The following TASOR2 variants were observed in gnomAD, a reference collection of about 807,000 sequenced individuals.
TASOR2 encodes the protein protein TASOR 2.
A neutral mutation model predicts 199.5 loss-of-function variants in TASOR2; 84 were observed. That is an observed-to-expected ratio of 0.42 (90% confidence interval 0.35 to 0.50). The LOEUF (loss-of-function observed/expected upper bound fraction) is 0.50. Among genes scored for constraint, TASOR2 ranks in the 20% least tolerant of loss-of-function variants. The probability of loss-of-function intolerance (pLI) is 0.02; values close to 1 mark genes in which losing one functional copy is unlikely to be tolerated. For synonymous variants in TASOR2, 1,103 were observed against 1,046.6 expected, an observed-to-expected ratio of 1.05 and a Z score of -1.04; for missense variants, 2,796 against 2,835.9, an observed-to-expected ratio of 0.99 and a Z score of 0.32.
rs780949528 is a variant in TASOR2, at chr10:5,717,642, A to G, written c.-191-17A>G. Reference sequence around the variant, plus strand: ...ATGGGCAATCTGCTGCTTAATCTATATTTTATACTTTTACAGGTGTATACA... The same window carrying G: ...ATGGGCAATCTGCTGCTTAATCTATGTTTTATACTTTTACAGGTGTATACA... On this transcript the variant is annotated splice_polypyrimidine_tract_variant and intron_variant, in intron 2 of 20. Coordinates refer to ENST00000328090, the Ensembl canonical transcript of TASOR2. The G allele has an allele frequency of 2.7e-6, 3 of 1,117,726 alleles. No homozygotes were observed. Among genetic ancestry groups the G allele is most frequent in the Non-Finnish European group, 3.4e-6 (3 of 883,660 alleles). 69.2% of individuals were successfully genotyped at this position (1,117,726 alleles called of 1,614,324 possible).
chr10:5,707,517 C>T (rs988565841), intron 1 of TASOR2, among the ~76,000 whole-genome samples: 1 of 151,986 alleles, frequency 6.6e-6, no homozygotes, highest in Non-Finnish European at 1.5e-5. Context: ...GAAAGGTTTC[C>T]CAGAACTCTC....
intron 10 of TASOR2, among the ~76,000 whole-genome samples, chr10:5,728,006 G>C: frequency 6.6e-6 from 1 of 151,940 alleles, no homozygotes; most frequent in East Asian, 1.9e-4. Flanking sequence ...TAGATTTCTT[G>C]AGTTCAGGCG....
At chr10:5,734,716 A>T (rs921986958) in intron 11 of TASOR2, among the ~76,000 whole-genome samples, 24 of 54,194 alleles carry the variant, frequency 4.4e-4, no homozygotes, top group African/African-American at 1.3e-3. Flanking sequence ...GGTTATGAAG[A>T]TTTTTTTTTT....
intron 1 of TASOR2, among the ~76,000 whole-genome samples, chr10:5,705,516 T>C (rs1838463484): frequency 6.6e-6 from 1 of 152,200 alleles, no homozygotes; most frequent in Non-Finnish European, 1.5e-5. Flanking sequence ...GAATTTTGGG[T>C]CATATGGTAA....
chr10:5,688,651 T>C (rs766994335), intron 1 of TASOR2, among the ~76,000 whole-genome samples: 2 of 152,122 alleles, frequency 1.3e-5, no homozygotes, highest in Non-Finnish European at 2.9e-5. Flanking sequence ...ACATGTGTCA[T>C]TTGGAAAACA....
Position 5,695,842 on chromosome 10 carries a change from G to A in TASOR2, c.-288+10667G>A, listed in dbSNP as rs192743113. Among the ~76,000 whole-genome samples, 373 of 152,284 alleles carry A rather than the reference G, an allele frequency of 2.4e-3. 2 individuals are homozygous for A. Among genetic ancestry groups the A allele is most frequent in the Non-Finnish European group, 3.9e-3 (268 of 68,024 alleles). ...AAGGAGCAAGCAGATTCTTTCCACA[G>A]AATCTGGAAAAGTTTTAGGAATTGG... On this transcript the variant is annotated intron_variant, in intron 1 of 20. Coordinates refer to ENST00000328090, the Ensembl canonical transcript of TASOR2.
At chr10:5,753,758 G>A (rs1420380224) in intron 15 of TASOR2, among the ~76,000 whole-genome samples, 2 of 152,176 alleles carry the variant, frequency 1.3e-5, no homozygotes, top group African/African-American at 2.4e-5. Flanking sequence ...AAGCAGCACT[G>A]TAGTTGAAAA....
rs1019432905 is a variant in TASOR2, at chr10:5,730,973, A to G, written c.974A>G (p.Asp325Gly). Reference sequence around the variant, plus strand: ...AGAAAAGAAACTGAAACAAAAAAGGATTCTGAAGAAATGTTGAAAGCAAAG... The same window carrying G: ...AGAAAAGAAACTGAAACAAAAAAGGGTTCTGAAGAAATGTTGAAAGCAAAG... Residue 325 changes from aspartate (D) to glycine (G), a missense_variant, in exon 11 of 21, where the codon GAT becomes GGT. By Grantham distance (94) the Asp-to-Gly change is moderately conservative (BLOSUM62 -1). Coordinates refer to ENST00000328090, the Ensembl canonical transcript of TASOR2. This position sits in a 1 kb window ranked among gnomAD's most constrained non-coding sequence, Gnocchi z 4.1. The G allele has an allele frequency of 6.2e-7, 1 of 1,613,978 alleles. No homozygotes were observed. Among genetic ancestry groups the G allele is most frequent in the Non-Finnish European group, 8.5e-7 (1 of 1,180,034 alleles).
At chr10:5,753,834 A>G (rs1405105487) in intron 15 of TASOR2, among the ~76,000 whole-genome samples, 1 of 152,148 alleles carries the variant, frequency 6.6e-6, no homozygotes, top group Non-Finnish European at 1.5e-5. Flanking sequence ...AGCAATCTGG[A>G]AATCAGTTTA....
In TASOR2 at chr10:5,687,243, C is replaced by T. The variant is rs1029694655; in HGVS notation, c.-288+2068C>T. 7.9e-5 allele frequency among the ~76,000 whole-genome samples: 12 copies of T among 152,158 alleles called. No homozygotes were observed. The highest frequency in any genetic ancestry group is 2.0e-4 in the Admixed American group (3 of 15,282). ...TTTGGAAACCTTTTGTGTGTTTCTA[C>T]CCCAGGAGGAATGCGTTCCCTGCCC... is the stretch of plus-strand genomic sequence containing the variant. On this transcript the variant is annotated intron_variant, in intron 1 of 20. Transcript: ENST00000328090. The surrounding 1 kb of genome is among the most constrained non-coding windows in gnomAD (Gnocchi z 4.8).
chr10:5,685,047 A>T lies in TASOR2; in HGVS notation c.-416A>T, dbSNP rs1588538258. 5 of 397,814 alleles carry T rather than the reference A, an allele frequency of 1.3e-5. No homozygotes were observed. The East Asian group carries it at 1.8e-4, about 14-fold the overall frequency. The allele number at this position is 397,814 out of a possible 1,614,324, so 24.6% of individuals were successfully genotyped here. The stretch of plus-strand genomic sequence containing the variant: ...TCCCCGCGGGAGCGCGGAGCCGGCG[A>T]CTGGTGCTTCCCACGTGCGCCGGTG... On this transcript the variant is annotated 5_prime_UTR_variant, in exon 1 of 21. Coordinates refer to ENST00000328090, the Ensembl canonical transcript of TASOR2. The surrounding 1 kb of genome is among the most constrained non-coding windows in gnomAD (Gnocchi z 5.4).
chr10:5,726,785 T>C, intron 8 of TASOR2, 100 bp from the exon 10 acceptor site: 1 of 1,020,102 alleles, frequency 9.8e-7, no homozygotes, highest in East Asian at 2.4e-5. Flanking sequence ...GCAGAATTTT[T>C]TCTTTTCTTG....
At chr10:5,757,726 C>A in intron 17 of TASOR2, 53 bp downstream of exon 18, 1 of 1,573,768 alleles carries the variant, frequency 6.4e-7, no homozygotes, top group Non-Finnish European at 8.7e-7. Flanking sequence ...AACTTCTCAC[C>A]CAGTGACCTA....
At chr10:5,735,402 G>A (rs1835432430) in exon 12 of TASOR2, 1 of 1,614,096 alleles carries the variant, frequency 6.2e-7, no homozygotes, top group Non-Finnish European at 8.5e-7. Context: ...GCCAACAAAT[G>A]CTAAAAGGGC....
rs1833120107 is a variant in TASOR2 at position 5,719,698 on chromosome 10, G to A, written c.-99-846G>A. Among the ~76,000 whole-genome samples the A allele has an allele frequency of 6.6e-6, 1 of 151,988 alleles. No homozygotes were observed. The highest frequency in any genetic ancestry group is 1.5e-5 in the Non-Finnish European group (1 of 67,992). On this transcript the variant is annotated intron_variant, in intron 3 of 20. Transcript: ENST00000328090. The surrounding 1 kb of genome is among the most constrained non-coding windows in gnomAD (Gnocchi z 4.1). Reference sequence around the variant, plus strand: ...TGTAACCCTTGATGGAGAGAACTCTGTAATGGAAAATACTGCTGACTGTTC... The same window carrying A: ...TGTAACCCTTGATGGAGAGAACTCTATAATGGAAAATACTGCTGACTGTTC...
At chr10:5,744,927 C>T (rs1360165743) in intron 14 of TASOR2, among the ~76,000 whole-genome samples, 1 of 152,204 alleles carries the variant, frequency 6.6e-6, no homozygotes, top group African/African-American at 2.4e-5. Flanking sequence ...CCGTGCCCTA[C>T]CTAAGACAGA....
At chr10:5,759,049 C>T (rs1242078547) in intron 18 of TASOR2, 57 bp downstream of exon 19, 3 of 1,243,056 alleles carry the variant, frequency 2.4e-6, no homozygotes, top group Non-Finnish European at 3.5e-6. Flanking sequence ...CAGAGAAACG[C>T]CTCATGTTCC....
exon 15 of TASOR2, chr10:5,747,651 A>G (rs977867955): frequency 6.2e-7 from 1 of 1,614,210 alleles, no homozygotes; most frequent in Non-Finnish European, 8.5e-7. Context: ...CTCCAGTACC[A>G]GTTAAAGAGA....
At position 5,742,409 on chromosome 10, in the gene TASOR2, A is replaced by G. The variant is rs1364329075; in HGVS notation, c.2640A>G (p.Thr880=). Residue 880 remains threonine, a synonymous_variant, in exon 14 of 21, where the codon ACA becomes ACG. Transcript: ENST00000328090. The surrounding 1 kb of genome is among the most constrained non-coding windows in gnomAD (Gnocchi z 4.2). The stretch of plus-strand genomic sequence containing the variant: ...ACTGCTTGCTTCCTTTCATTAAAAC[A>G]CCACTTACCCAAGGCTTGGAACTCT... 1 of 1,614,114 alleles carries G rather than the reference A, an allele frequency of 6.2e-7. No homozygotes were observed. The highest frequency in any genetic ancestry group is 8.5e-7 in the Non-Finnish European group (1 of 1,180,014).
Sources: gnomAD v4.1 joint callset for allele counts (sites outside exome capture counted in the v4.1 genomes callset) on GRCh38, gnomAD v4.1.1 for gene constraint, Gnocchi (gnomAD v3.1) non-coding constraint, MANE v1.5 for transcripts, NCBI Gene and HGNC (gene_info 2026-07-23, HGNC 2026-07-21) for gene names.